SS18: variants seen among roughly 807,000 people sequenced by gnomAD.
SS18 encodes protein SSXT.
In SS18, 28 loss-of-function variants were observed where a neutral mutation model predicts 72.5. That is an observed-to-expected ratio of 0.39 (90% CI 0.29 to 0.53). The LOEUF (loss-of-function observed/expected upper bound fraction) is 0.53. Among genes scored for constraint, SS18 ranks in the 20% least tolerant of loss-of-function variants. The pLI, the probability that SS18 is intolerant of heterozygous loss-of-function variation, is 0.76. For synonymous variants in SS18, 172 were observed against 164.2 expected (o/e 1.05, Z -0.37); for missense variants, 518 against 535.3 (o/e 0.97, Z 0.32).
chr18:26,082,370 C>T lies in SS18; in HGVS notation c.147-4210G>A, dbSNP rs1318676829. The T allele has an allele frequency of 6.4e-6, 6 of 944,468 alleles. No homozygotes were observed. In the East Asian group the frequency reaches 4.6e-4, roughly 73 times the overall value. The allele number at this position is 944,468 out of a possible 1,614,324, so 58.5% of individuals were successfully genotyped here. On this transcript the variant is annotated intron_variant, in intron 2 of 10. Coordinates refer to ENST00000415083, the MANE Select transcript of SS18 (RefSeq NM_001007559.3). The stretch of plus-strand genomic sequence containing the variant: ...TTATAAAATAAACCTTACCTAGAAG[C>T]TATGAATATTTATTAGACAACGGGA...
chr18:26,052,897 A>C (rs1185967225), intron 4 of SS18, 52 bp from the exon 5 acceptor site: 5 of 1,475,072 alleles, frequency 3.4e-6, no homozygotes, highest in Non-Finnish European at 4.7e-6. Context: ...CAGATGGTCC[A>C]TACAAAAGTA....
chr18:26,039,039 A>T (rs560768184), intron 6 of SS18, among the ~76,000 whole-genome samples: 13 of 152,066 alleles, frequency 8.5e-5, no homozygotes, highest in Admixed American at 8.5e-4. Context: ...ACAAAACAGT[A>T]TTTTCTGCTG....
At chr18:26,028,779 G>A (rs1173235059) in intron 10 of SS18, among the ~76,000 whole-genome samples, 3 of 152,168 alleles carry the variant, frequency 2.0e-5, no homozygotes, top group Non-Finnish European at 4.4e-5. Context: ...GGATTTCAAA[G>A]GGGCACAGGG....
chr18:26,087,724 A>G, intron 1 of SS18, 147 bp from the exon 2 acceptor site: 1 of 462,752 alleles, frequency 2.2e-6, no homozygotes, highest in Non-Finnish European at 3.9e-6. Flanking sequence ...TGTCCCCTGC[A>G]AACAATCATT....
intron 5 of SS18, among the ~76,000 whole-genome samples, chr18:26,039,929 A>G (rs1473594800): frequency 6.6e-6 from 1 of 152,216 alleles, no homozygotes; most frequent in Non-Finnish European, 1.5e-5. Context: ...CTCTTTTTCA[A>G]TACTCACTCA....
chr18:26,087,405 G>A, intron 2 of SS18, 96 bp downstream of exon 2: 1 of 713,152 alleles, frequency 1.4e-6, no homozygotes, highest in Non-Finnish European at 2.5e-6. Flanking sequence ...GAATTGTATG[G>A]TATGTGAATT....
In SS18 at chr18:26,069,052, T is replaced by C. The variant is rs191492123; in HGVS notation, c.231+9024A>G. On this transcript the variant is annotated intron_variant, in intron 3 of 10. Transcript: ENST00000415083. ...ACTTAGTGGATGGCATCACCATCAG[T>C]TGAGTCTCCAAACACTCTCTTCTAC... 6.0e-3 allele frequency among the ~76,000 whole-genome samples: 918 copies of C among 152,284 alleles called. 25 individuals are homozygous for C. The highest frequency in any genetic ancestry group is 0.05 in the Admixed American group (767 of 15,300).
chr18:26,068,652 T>G (rs1381146061), intron 3 of SS18: 3 of 152,142 alleles, frequency 2.0e-5, no homozygotes, highest in Admixed American at 2.0e-4. Context: ...AAGACTAATA[T>G]TATCATCTTT....
At position 26,060,665 on chromosome 18, in the gene SS18, C is replaced by T. The variant is rs2054102372; in HGVS notation, c.232-2923G>A. ...CCAGGCCAGATGTGGTGGCTCATGC[C>T]TGTAATCCTAGCACTTTGGGAGGCC... On this transcript the variant is annotated intron_variant, in intron 3 of 10. Transcript: ENST00000415083. 2.0e-5 allele frequency among the ~76,000 whole-genome samples: 3 copies of T among 148,954 alleles called. No individual in the cohort carries two copies. The South Asian group carries it at 6.4e-4, about 32-fold the overall frequency.
rs1226736106 is a variant in SS18, at chr18:26,035,120, T to A, written c.981A>T (p.Ser327=). ...SSQHYYEGGN[S]QYGQQQDAYQ... The stretch of plus-strand genomic sequence containing the variant: ...ATGCATCTTGCTGTTGGCCATACTG[T>A]GAATTTCCTACAGGATAATTGGAGA... Residue 327 remains serine, a synonymous_variant, in exon 9 of 11, where the codon TCA becomes TCT. Transcript: ENST00000415083. The surrounding 1 kb of genome is among the most constrained non-coding windows in gnomAD (Gnocchi z 4.4). 2 of 1,612,396 alleles carry A rather than the reference T, an allele frequency of 1.2e-6. No homozygotes were observed. Among genetic ancestry groups the A allele is most frequent in the Non-Finnish European group, 1.7e-6 (2 of 1,179,264 alleles).
intron 1 of SS18, among the ~76,000 whole-genome samples, chr18:26,088,659 T>A (rs949420130): frequency 8.5e-5 from 13 of 152,190 alleles, no homozygotes; most frequent in African/African-American, 3.1e-4. Context: ...TTAGTTTCAG[T>A]GCCAGTTTTG....
At chr18:26,068,531 T>C (rs1043659702) in intron 3 of SS18, 7 of 152,234 alleles carry the variant, frequency 4.6e-5, no homozygotes, top group African/African-American at 1.7e-4. Context: ...TCTAAGCATG[T>C]GTTCCTTCAC....
At chr18:26,054,605 T>C (rs1342698812) in intron 4 of SS18, among the ~76,000 whole-genome samples, 10 of 152,118 alleles carry the variant, frequency 6.6e-5, no homozygotes, top group Non-Finnish European at 1.2e-4. Context: ...AATAAAATAA[T>C]GGTCTCCAAG....
At chr18:26,066,600 G>A (rs2054222478) in intron 3 of SS18, among the ~76,000 whole-genome samples, 1 of 144,330 alleles carries the variant, frequency 6.9e-6, no homozygotes, top group Non-Finnish European at 1.5e-5. Flanking sequence ...GGAAATTTGT[G>A]CACACACACA....
At chr18:26,083,187 C>T (rs555381753) in intron 2 of SS18, among the ~76,000 whole-genome samples, 2 of 152,188 alleles carry the variant, frequency 1.3e-5, no homozygotes, top group South Asian at 2.1e-4. Context: ...GCCCTATTTG[C>T]TTAAATTGTT....
rs138607556 is a variant in SS18 at position 26,035,078 on chromosome 18, T to C, written c.1023A>G (p.Pro341=). ...QQQDAYQGPP[P]QQGYPPQQQQ... ...GCTGCTGGGGTGGATATCCCTGTTG[T>C]GGAGGTGGTCCCTGGTATGCATCTT... The change falls in exon 9 of 11, where the codon CCA becomes CCG. Residue 341 remains proline, a synonymous_variant. Transcript: ENST00000415083. This position sits in a 1 kb window ranked among gnomAD's most constrained non-coding sequence, Gnocchi z 4.4. The C allele has an allele frequency of 3.3e-5, 54 of 1,613,588 alleles. No homozygotes were observed. Among genetic ancestry groups the C allele is most frequent in the Admixed American group, 6.7e-5 (4 of 59,974 alleles).
At chr18:26,049,827 T>C (rs2053889928) in intron 5 of SS18, among the ~76,000 whole-genome samples, 1 of 152,196 alleles carries the variant, frequency 6.6e-6, no homozygotes, top group South Asian at 2.1e-4. Flanking sequence ...GATCTTTCTC[T>C]TAAGGTTCAA....
intron 1 of SS18, chr18:26,090,164 G>C (rs1007659518): frequency 3.5e-4 from 107 of 309,788 alleles, no homozygotes; most frequent in Non-Finnish European, 4.5e-4. Context: ...GGGGCCGCCG[G>C]TCCGACACAC....
intron 3 of SS18, among the ~76,000 whole-genome samples, chr18:26,059,043 A>G (rs2054074158): frequency 6.6e-6 from 1 of 152,228 alleles, no homozygotes; most frequent in South Asian, 2.1e-4. Context: ...ATTTTCTGTT[A>G]AAAATTCATG....
Sources: allele counts gnomAD v4.1 joint callset (sites outside exome capture counted in the v4.1 genomes callset), GRCh38; gene constraint gnomAD v4.1.1; non-coding constraint Gnocchi (gnomAD v3.1); transcripts MANE v1.5; gene names NCBI Gene and HGNC (gene_info 2026-07-23, HGNC 2026-07-21).